The following ERC2 variants were observed in gnomAD, a reference collection of about 807,000 sequenced individuals.
ERC2 encodes ERC protein 2.
ERC2 carries 42 observed loss-of-function variants against 114.8 expected under a neutral mutation model. The ratio of observed to expected loss-of-function variants is 0.37; its 90% CI spans 0.29 to 0.47. The LOEUF (loss-of-function observed/expected upper bound fraction) is 0.47, where lower values mean the gene tolerates loss of function less well. ERC2 is among the 20% of genes least tolerant of loss of function. The pLI, the probability that ERC2 is intolerant of heterozygous loss-of-function variation, is 0.99. For synonymous variants in ERC2, 454 were observed against 425.5 expected, an observed-to-expected ratio of 1.07 and a Z score of -0.82; for missense variants, 939 against 1,150.7, an observed-to-expected ratio of 0.82 and a Z score of 2.66.
At chr3:56,279,863 G>A (rs2054233657) in intron 3 of ERC2, among the ~76,000 whole-genome samples, 1 of 152,314 alleles carries the variant, frequency 6.6e-6, no homozygotes, top group South Asian at 2.1e-4. Context: ...ATAGGGCTTA[G>A]TGATATATTG....
intron 14 of ERC2, among the ~76,000 whole-genome samples, chr3:55,776,043 C>T (rs1454585716): frequency 6.6e-6 from 1 of 152,168 alleles, no homozygotes; most frequent in Non-Finnish European, 1.5e-5. Flanking sequence ...CTATCCTCAC[C>T]TTTAGGCTGG....
chr3:56,390,095 T>C (rs930932885), intron 2 of ERC2, among the ~76,000 whole-genome samples: 68 of 152,154 alleles, frequency 4.5e-4, no homozygotes, highest in African/African-American at 1.4e-3. Flanking sequence ...TGGAATAATA[T>C]GTTCTTACAA....
intron 3 of ERC2, among the ~76,000 whole-genome samples, chr3:56,218,484 G>A (rs1039050467): frequency 6.6e-6 from 1 of 152,168 alleles, no homozygotes; most frequent in African/African-American, 2.4e-5. Flanking sequence ...AAAAAGTCAG[G>A]GAACAACAGG....
intron 2 of ERC2, among the ~76,000 whole-genome samples, chr3:56,406,494 A>G (rs1038944954): frequency 6.6e-6 from 1 of 152,214 alleles, no homozygotes; most frequent in Admixed American, 6.5e-5. Flanking sequence ...GGCTGGCTTC[A>G]TGGGCATGGC....
chr3:55,598,973 T>C (rs2148521617), intron 17 of ERC2, among the ~76,000 whole-genome samples: 1 of 151,858 alleles, frequency 6.6e-6, no homozygotes, highest in South Asian at 2.1e-4. Context: ...GCAGTACAGA[T>C]TTTCCCTTGG....
intron 14 of ERC2, among the ~76,000 whole-genome samples, chr3:55,803,783 G>C (rs2059392645): frequency 6.6e-6 from 1 of 152,048 alleles, no homozygotes; most frequent in Admixed American, 6.6e-5. Flanking sequence ...TCTCCATCAT[G>C]GGACTGATTG....
At chr3:56,084,358 T>C (rs1191369930) in intron 6 of ERC2, among the ~76,000 whole-genome samples, 1 of 152,148 alleles carries the variant, frequency 6.6e-6, no homozygotes, top group Non-Finnish European at 1.5e-5. Context: ...CTACTGGGTA[T>C]CTACCCAAAA....
intron 14 of ERC2, among the ~76,000 whole-genome samples, chr3:55,878,839 C>T (rs1327609446): frequency 6.6e-6 from 1 of 152,182 alleles, no homozygotes; most frequent in Admixed American, 6.5e-5. Context: ...CAAGATAGTA[C>T]ATTCCTCAAG....
At chr3:56,376,039 C>G (rs1272720506) in intron 2 of ERC2, among the ~76,000 whole-genome samples, 1 of 152,138 alleles carries the variant, frequency 6.6e-6, no homozygotes, top group Admixed American at 6.5e-5. Flanking sequence ...AGCTTAGAAG[C>G]AGATTCTTCC....
chr3:56,100,993 T>C (rs558421745), intron 6 of ERC2, among the ~76,000 whole-genome samples: 1 of 152,252 alleles, frequency 6.6e-6, no homozygotes, highest in South Asian at 2.1e-4. Context: ...GGAAAAAAAA[T>C]CATCCTCTGT....
chr3:56,029,694 T>C (rs2074261154), intron 7 of ERC2, among the ~76,000 whole-genome samples: 1 of 139,502 alleles, frequency 7.2e-6, no homozygotes, highest in African/African-American at 2.5e-5. Flanking sequence ...ATTTCTGACA[T>C]TGGCAATATA....
intron 13 of ERC2, among the ~76,000 whole-genome samples, chr3:55,914,315 G>A (rs529258768): frequency 1.3e-5 from 2 of 152,136 alleles, no homozygotes; most frequent in Admixed American, 6.5e-5. Flanking sequence ...TGTCAAACCT[G>A]GCTAAACTAG....
chr3:56,446,621 T>C (rs1312219688), intron 1 of ERC2, among the ~76,000 whole-genome samples: 1 of 116,408 alleles, frequency 8.6e-6, no homozygotes, highest in Non-Finnish European at 1.8e-5. Flanking sequence ...CTTTTTTTTT[T>C]TTTCTTTCTT....
intron 7 of ERC2, among the ~76,000 whole-genome samples, chr3:56,057,603 T>C (rs1387694418): frequency 6.6e-6 from 1 of 152,348 alleles, no homozygotes; most frequent in African/African-American, 2.4e-5. Context: ...TCTGTTAAAC[T>C]GGAATCCAAA....
intron 14 of ERC2, among the ~76,000 whole-genome samples, chr3:55,825,116 G>C (rs1250446754): frequency 1.3e-5 from 2 of 152,108 alleles, no homozygotes; most frequent in Non-Finnish European, 2.9e-5. Context: ...TTCACCCAGG[G>C]AGTACCACAG....
intron 3 of ERC2, among the ~76,000 whole-genome samples, chr3:56,294,433 C>T (rs61163420): frequency 0.061 from 9,229 of 152,258 alleles, 666 homozygotes; most frequent in African/African-American, 0.17. Flanking sequence ...CTTCCAAGCT[C>T]ACTAAATGGC....
intron 3 of ERC2, among the ~76,000 whole-genome samples, chr3:56,202,979 T>A (rs557580178): frequency 6.6e-6 from 1 of 152,236 alleles, no homozygotes; most frequent in African/African-American, 2.4e-5. Context: ...TTAGAAAAAA[T>A]AAAATGCATT....
In ERC2 at chr3:56,398,022, T is replaced by C. The variant is rs555098767; in HGVS notation, c.657+36329A>G. On this transcript the variant is annotated intron_variant, in intron 2 of 17. Transcript: ENST00000288221. Reference sequence around the variant, plus strand: ...TCCCATTGGCCCTATCTGAGTTATATGGGCATACTTTGTCACAAAGAAGGC... The same window carrying C: ...TCCCATTGGCCCTATCTGAGTTATACGGGCATACTTTGTCACAAAGAAGGC... Among the ~76,000 whole-genome samples, 3 of 152,336 alleles carry C rather than the reference T, an allele frequency of 2.0e-5. No homozygotes were observed. In the South Asian group the frequency reaches 6.2e-4, roughly 32 times the overall value.
chr3:56,028,207 T>C (rs142224955), intron 7 of ERC2, among the ~76,000 whole-genome samples: 299 of 152,300 alleles, frequency 2.0e-3, no homozygotes, highest in Non-Finnish European at 3.5e-3. Context: ...AGTAACTATA[T>C]AGTAAGGCTT....
Sources: allele counts gnomAD v4.1 joint callset (sites outside exome capture counted in the v4.1 genomes callset), GRCh38; gene constraint gnomAD v4.1.1; transcripts MANE v1.5; gene names NCBI Gene and HGNC (gene_info 2026-07-23, HGNC 2026-07-21).